Variants in SLC2A13 observed in about 807,000 individuals in gnomAD.
SLC2A13 encodes proton myo-inositol cotransporter.
SLC2A13 carries 32 observed loss-of-function variants against 64.4 expected under a neutral mutation model. That is an observed-to-expected ratio of 0.50 (90% CI 0.37 to 0.67). The LOEUF (loss-of-function observed/expected upper bound fraction) is 0.67, where lower values mean the gene tolerates loss of function less well. Among genes scored for constraint, SLC2A13 ranks in the 30% least tolerant of loss-of-function variants. SLC2A13 has a pLI of 0.00. For synonymous variants in SLC2A13, 338 were observed against 327.1 expected (o/e 1.03, Z -0.36); for missense variants, 743 against 829.2 (o/e 0.90, Z 1.28).
At chr12:39,830,016 C>A in intron 7 of SLC2A13, 87 bp downstream of exon 7, 4 of 1,536,376 alleles carry the variant, frequency 2.6e-6, no homozygotes, top group Non-Finnish European at 3.6e-6. Flanking sequence ...AAAAGAACTG[C>A]TATAAGTGCA....
chr12:40,073,500 T>C (rs1938043995), intron 1 of SLC2A13, among the ~76,000 whole-genome samples: 2 of 152,150 alleles, frequency 1.3e-5, no homozygotes, highest in African/African-American at 4.8e-5. Flanking sequence ...TTACCTTCAT[T>C]TATTTCTCTC....
In SLC2A13 at chr12:39,764,826, T is replaced by C. The variant is rs1322090604; in HGVS notation, c.1478A>G (p.Asp493Gly). 1 of 1,612,382 alleles carries C rather than the reference T, an allele frequency of 6.2e-7. No individual in the cohort carries two copies. The highest frequency in any genetic ancestry group is 8.5e-7 in the Non-Finnish European group (1 of 1,179,070). ...GCAGAAATTGTAAGCCCAAAATATA[T>C]CTTCTGTTTTGAACTTGGTTTCATT... Reference protein sequence around the residue: ...CENETKFKTEDIFWAYNFCPT... With the variant: ...CENETKFKTEGIFWAYNFCPT... Residue 493 changes from aspartate to glycine, a missense_variant, in exon 8 of 10, where the codon GAT (aspartate) becomes GGT (glycine). By Grantham distance (94) the Asp-to-Gly change is moderately conservative. Transcript: ENST00000280871.
At chr12:39,988,659 GAGGGAGGGAGGGAGGGAAGA>G (rs1178302505) in intron 3 of SLC2A13, among the ~76,000 whole-genome samples, 39 of 89,836 alleles carry the variant, frequency 4.3e-4, no homozygotes, top group East Asian at 3.1e-3. Flanking sequence ...GAAAAGGAAG[GAGGGAGGGAGGGAGGGAAGA>G]AGGGAGGGAG....
At chr12:40,071,666 T>C (rs1937963333) in intron 1 of SLC2A13, among the ~76,000 whole-genome samples, 1 of 152,186 alleles carries the variant, frequency 6.6e-6, no homozygotes, top group East Asian at 1.9e-4. Context: ...TTATGATATA[T>C]TGTATCTTTC....
intron 3 of SLC2A13, among the ~76,000 whole-genome samples, chr12:39,961,831 C>G (rs1301002855): frequency 6.6e-6 from 1 of 151,510 alleles, no homozygotes; most frequent in East Asian, 1.9e-4. Flanking sequence ...CAGAGTCTCA[C>G]TCTGTCACCT....
intron 6 of SLC2A13, among the ~76,000 whole-genome samples, chr12:39,845,645 G>A (rs1456831560): frequency 1.3e-5 from 2 of 152,096 alleles, no homozygotes; most frequent in Non-Finnish European, 2.9e-5. Flanking sequence ...TGTGTTGTGT[G>A]ACACAGACGA....
At chr12:39,796,630 A>G (rs1278989888) in intron 7 of SLC2A13, among the ~76,000 whole-genome samples, 3 of 152,094 alleles carry the variant, frequency 2.0e-5, no homozygotes, top group African/African-American at 7.2e-5. Context: ...CTACTGAAAA[A>G]GGAGAGGAAA....
At chr12:40,013,764 C>T (rs1469203167) in intron 3 of SLC2A13, among the ~76,000 whole-genome samples, 1 of 152,168 alleles carries the variant, frequency 6.6e-6, no homozygotes, top group Non-Finnish European at 1.5e-5. Flanking sequence ...ACGTGTGCGG[C>T]CCTACGCAGG....
At chr12:40,030,189 C>A (rs1319923202) in intron 2 of SLC2A13, among the ~76,000 whole-genome samples, 1 of 152,084 alleles carries the variant, frequency 6.6e-6, no homozygotes, top group Admixed American at 6.5e-5. Flanking sequence ...AATTTACTTG[C>A]TCAGTAATTC....
intron 3 of SLC2A13, among the ~76,000 whole-genome samples, chr12:39,996,821 C>T (rs1481275089): frequency 1.3e-5 from 2 of 152,152 alleles, no homozygotes; most frequent in African/African-American, 4.8e-5. Context: ...AGGAATATAC[C>T]TAACCAAGAA....
chr12:39,939,874 A>C (rs940766172), intron 4 of SLC2A13, among the ~76,000 whole-genome samples: 1 of 152,168 alleles, frequency 6.6e-6, no homozygotes, highest in Admixed American at 6.5e-5. Context: ...ATGAAACTCC[A>C]TTTGTCCTCA....
At chr12:39,902,036 T>C (rs1945132343) in intron 4 of SLC2A13, among the ~76,000 whole-genome samples, 1 of 152,068 alleles carries the variant, frequency 6.6e-6, no homozygotes, top group African/African-American at 2.4e-5. Context: ...GTTCATGTCC[T>C]TTGTAGGGAC....
intron 4 of SLC2A13, among the ~76,000 whole-genome samples, chr12:39,884,542 C>A (rs545933259): frequency 1.3e-5 from 2 of 152,076 alleles, no homozygotes; most frequent in African/African-American, 4.8e-5. Context: ...CAATAAGATG[C>A]AATTAAGATA....
At chr12:40,064,640 G>A (rs894946926) in intron 1 of SLC2A13, among the ~76,000 whole-genome samples, 15 of 152,024 alleles carry the variant, frequency 9.9e-5, no homozygotes, top group African/African-American at 3.6e-4. Flanking sequence ...CATCTCATAG[G>A]AAAAGCTCAG....
chr12:39,979,516 C>G (rs1381223005), intron 3 of SLC2A13, among the ~76,000 whole-genome samples: 3 of 149,030 alleles, frequency 2.0e-5, no homozygotes, highest in Non-Finnish European at 4.5e-5. Context: ...TCGAGAACTA[C>G]GTGAAGAATG....
chr12:39,894,694 A>G (rs1944696074), intron 4 of SLC2A13, among the ~76,000 whole-genome samples: 1 of 152,220 alleles, frequency 6.6e-6, no homozygotes, highest in Non-Finnish European at 1.5e-5. Flanking sequence ...AGCAGATATG[A>G]TCAATCATTA....
chr12:39,762,072 C>T (rs1360043434), intron 9 of SLC2A13, among the ~76,000 whole-genome samples: 1 of 152,012 alleles, frequency 6.6e-6, no homozygotes, highest in Non-Finnish European at 1.5e-5. Context: ...AAATACAAGA[C>T]CGTTTTACAA....
chr12:40,090,490 A>C (rs1938730451), intron 1 of SLC2A13, among the ~76,000 whole-genome samples: 1 of 152,230 alleles, frequency 6.6e-6, no homozygotes, highest in South Asian at 2.1e-4. Flanking sequence ...ATGTTCACTT[A>C]AAGCAAATAA....
intron 6 of SLC2A13, among the ~76,000 whole-genome samples, chr12:39,838,338 T>C (rs1943077003): frequency 1.1e-5 from 1 of 89,152 alleles, no homozygotes; most frequent in Admixed American, 1.4e-4. Flanking sequence ...CTGGGGACTG[T>C]GGTGGGGTGG....
Sources: allele counts gnomAD v4.1 joint callset (sites outside exome capture counted in the v4.1 genomes callset), GRCh38; gene constraint gnomAD v4.1.1; transcripts MANE v1.5; gene names NCBI Gene and HGNC (gene_info 2026-07-23, HGNC 2026-07-21).